CATIP: variants seen among roughly 807,000 people sequenced by gnomAD.
CATIP encodes ciliogenesis-associated TTC17-interacting protein.
In CATIP, 40 loss-of-function variants were observed where a neutral mutation model predicts 42.5. That is an observed-to-expected ratio of 0.94 (90% CI 0.73 to 1.22). The LOEUF (loss-of-function observed/expected upper bound fraction) is 1.22. Ranked by LOEUF, CATIP falls within the 50% of genes most tolerant of loss-of-function variation. The pLI is 0.00. For missense variants in CATIP, 489 were observed against 496.0 expected (o/e 0.99, Z 0.13); for synonymous variants, 222 against 200.2 (o/e 1.11, Z -0.92).
At chr2:218,362,299 G>A (rs1695263778) in intron 5 of CATIP, among the ~76,000 whole-genome samples, 1 of 148,756 alleles carries the variant, frequency 6.7e-6, no homozygotes, top group Non-Finnish European at 1.5e-5. Context: ...GTTGCAGTGA[G>A]CTGAGATCGC....
intron 6 of CATIP, 99 bp from the exon 7 acceptor site, chr2:218,364,529 A>T (rs1333446436): frequency 6.7e-7 from 1 of 1,489,478 alleles, no homozygotes; most frequent in African/African-American, 1.4e-5. Context: ...AAATGTCTTG[A>T]GGTTGTTATG....
At chr2:218,366,934 T>C (rs1695464064) in intron 7 of CATIP, 90 bp from the exon 8 acceptor site, 2 of 1,002,016 alleles carry the variant, frequency 2.0e-6, no homozygotes, top group Admixed American at 1.9e-5. Context: ...TACCTCCAAA[T>C]ACCACCACAC....
rs563787787 is a variant in CATIP at position 218,367,724 on chromosome 2, G to A, written c.924G>A (p.Glu308=). 88 of 1,595,188 alleles carry A rather than the reference G, an allele frequency of 5.5e-5. No homozygotes were observed. The African/African-American group carries it at 1.1e-3, about 20-fold the overall frequency. ...GCTCGGGCTCTGTCCCCTGCCAGGA[G>A]GAGCTCCGGCTCGGCCACGCCAGCT... ...ELYSKFLDRK[E]ELRLGHASYL... The change falls in exon 10 of 10, where the codon GAG becomes GAA. Residue 308 remains glutamate, a splice_region_variant and synonymous_variant. Coordinates refer to ENST00000289388, the MANE Select transcript of CATIP (RefSeq NM_198559.2).
chr2:218,364,591 A>G, intron 6 of CATIP, 37 bp from the exon 7 acceptor site: 1 of 1,610,028 alleles, frequency 6.2e-7, no homozygotes, highest in African/African-American at 1.3e-5. Context: ...GCGGGCATCC[A>G]CCTTACCTCC....
chr2:218,363,079 C>T (rs1306285782), intron 6 of CATIP, among the ~76,000 whole-genome samples, 177 bp downstream of exon 6: 1 of 152,006 alleles, frequency 6.6e-6, no homozygotes, highest in East Asian at 1.9e-4. Context: ...GAGTGTGGGG[C>T]AGATGAATTG....
rs570405389 is a variant in CATIP, at chr2:218,367,416, T to C, written c.833-14T>C. 9.9e-6 allele frequency: 16 copies of C among 1,613,334 alleles called. No individual in the cohort carries two copies. In the South Asian group the frequency reaches 1.3e-4, roughly 13 times the overall value. On this transcript the variant is annotated splice_polypyrimidine_tract_variant and intron_variant, in intron 8 of 9. Transcript: ENST00000289388. ...CGGGGTAGGGACGCCCAGCCTTCCT[T>C]GTTCCCCACCTAGATGAGATTGAGC... is the stretch of plus-strand genomic sequence containing the variant.
At chr2:218,367,589 A>C in intron 9 of CATIP, 71 bp downstream of exon 9, 1 of 1,602,762 alleles carries the variant, frequency 6.2e-7, no homozygotes, top group East Asian at 2.2e-5. Context: ...TGATCTCTGC[A>C]CCTGATTGAA....
Position 218,367,830 on chromosome 2 carries a change from G to C in CATIP, c.1030G>C (p.Val344Leu). Residue 344 changes from valine (V) to leucine (L), a missense_variant, in exon 10 of 10, where the codon GTC becomes CTC. By Grantham distance (32) the Val-to-Leu change is conservative. Coordinates refer to ENST00000289388, the MANE Select transcript of CATIP (RefSeq NM_198559.2). ...GCTGCTGCGCCAGCCGGAGGACGTG[G>C]TCACCTTCGCCGCCGAGTTCTTCGG... ...FLLLRQPEDV[V>L]TFAAEFFGPF... The C allele has an allele frequency of 6.2e-7, 1 of 1,613,146 alleles. No individual in the cohort carries two copies. Among genetic ancestry groups the C allele is most frequent in the Non-Finnish European group, 8.5e-7 (1 of 1,179,878 alleles).
At chr2:218,360,707 G>T in intron 5 of CATIP, 48 bp downstream of exon 5, 1 of 1,380,442 alleles carries the variant, frequency 7.2e-7, no homozygotes, top group Non-Finnish European at 1.0e-6. Context: ...TGTGAACCCA[G>T]AATATCTGAG....
In CATIP at chr2:218,360,615, C is replaced by T; in HGVS notation, c.418C>T (p.Gln140Ter). ...PMERKMSLLK[Q>*]DDQLAVTRSI... ...GGAACGGAAGATGAGTTTGCTGAAG[C>T]AGGATGATCAGCTGGCTGTGACCAG... is the stretch of plus-strand genomic sequence containing the variant. The change falls in exon 5 of 10, where the codon CAG becomes TAG. Residue 140 changes from glutamine to a stop codon, truncating the protein, a stop_gained. Transcript: ENST00000289388. LOFTEE classifies it high-confidence loss of function. 6.2e-7 allele frequency: 1 copy of T among 1,613,972 alleles called. No individual in the cohort carries two copies. The highest frequency in any genetic ancestry group is 8.5e-7 in the Non-Finnish European group (1 of 1,179,964).
In CATIP at chr2:218,360,640, G is replaced by T. The variant is rs1277844073; in HGVS notation, c.443G>T (p.Arg148Ile). ...LKQDDQLAVT[R>I]SIKEGEEVKT... is the part of the protein sequence containing the mutation. ...CAGGATGATCAGCTGGCTGTGACCA[G>T]AAGTATCAAGGAGGGTGAGGTAAGG... is the stretch of plus-strand genomic sequence containing the variant. The change falls in exon 5 of 10, where the codon AGA (arginine) becomes ATA (isoleucine). Residue 148 changes from arginine to isoleucine, a missense_variant. Physicochemically the swap from Arg to Ile is moderately conservative, Grantham distance 97. Coordinates refer to ENST00000289388, the MANE Select transcript of CATIP (RefSeq NM_198559.2). 6.2e-7 allele frequency: 1 copy of T among 1,613,890 alleles called. No homozygotes were observed. Among genetic ancestry groups the T allele is most frequent in the Non-Finnish European group, 8.5e-7 (1 of 1,179,896 alleles).
At position 218,368,082 on chromosome 2, in the gene CATIP, C is replaced by A; in HGVS notation, c.*118C>A. ...TTTTGGGGGAATAAATGGGGCCCTCCCGCTTCTCTGCAGCGCCCGTCGACA... is the reference window on the plus strand; with the variant it reads ...TTTTGGGGGAATAAATGGGGCCCTCACGCTTCTCTGCAGCGCCCGTCGACA... On this transcript the variant is annotated 3_prime_UTR_variant, in exon 10 of 10. Coordinates refer to ENST00000289388, the MANE Select transcript of CATIP (RefSeq NM_198559.2). 8.1e-7 allele frequency: 1 copy of A among 1,235,614 alleles called. No homozygotes were observed. Among genetic ancestry groups the A allele is most frequent in the Non-Finnish European group, 1.1e-6 (1 of 928,398 alleles). The allele number at this position is 1,235,614 out of a possible 1,614,324, so 76.5% of individuals were successfully genotyped here. A position where few individuals can be genotyped will look rare whatever the true frequency, so the allele number is the denominator to read the frequency against.
intron 4 of CATIP, among the ~76,000 whole-genome samples, chr2:218,358,944 C>T (rs1046696258): frequency 1.3e-5 from 2 of 151,696 alleles, no homozygotes; most frequent in Non-Finnish European, 2.9e-5. Flanking sequence ...GTGGCTCACG[C>T]CTGTAATCCC....
In CATIP at chr2:218,362,917, T is replaced by C. The variant is rs767869513; in HGVS notation, c.630+15T>C. On this transcript the variant is annotated intron_variant, in intron 6 of 9. Coordinates refer to ENST00000289388, the MANE Select transcript of CATIP (RefSeq NM_198559.2). ...ATTTGACCTATGTAAGGGGTCCCCT[T>C]GGGCAGGGGACTTGGCTTGGGAGCG... is the stretch of plus-strand genomic sequence containing the variant. 3 of 1,601,180 alleles carry C rather than the reference T, an allele frequency of 1.9e-6. No individual in the cohort carries two copies. Among genetic ancestry groups the C allele is most frequent in the Non-Finnish European group, 2.6e-6 (3 of 1,171,560 alleles).
rs200838081 is a variant in CATIP, at chr2:218,357,518, G to C, written c.119-16G>C. ...GAGCAGGGGCTTTATCTGTTCCCAC[G>C]GGCCCCTCACCCCAGACAAGGAGGA... is the stretch of plus-strand genomic sequence containing the variant. On this transcript the variant is annotated splice_polypyrimidine_tract_variant and intron_variant, in intron 2 of 9. Transcript: ENST00000289388. 1 of 1,610,728 alleles carries C rather than the reference G, an allele frequency of 6.2e-7. No homozygotes were observed. The highest frequency in any genetic ancestry group is 1.1e-5 in the South Asian group (1 of 90,948).
chr2:218,368,015 C>G lies in CATIP; in HGVS notation c.*51C>G. 1 of 1,455,298 alleles carries G rather than the reference C, an allele frequency of 6.9e-7. No individual in the cohort carries two copies. The allele number at this position is 1,455,298 out of a possible 1,614,324, so 90.1% of individuals were successfully genotyped here. ...GGAAACCAGGGGTCGGGCTGGGACGCGGGCGGGACGCGCCGGGGCGGGTGC... is the reference window on the plus strand; with the variant it reads ...GGAAACCAGGGGTCGGGCTGGGACGGGGGCGGGACGCGCCGGGGCGGGTGC... On this transcript the variant is annotated 3_prime_UTR_variant, in exon 10 of 10. Coordinates refer to ENST00000289388, the MANE Select transcript of CATIP (RefSeq NM_198559.2).
chr2:218,359,814 TTTTTTA>T (rs1259605924), intron 4 of CATIP, among the ~76,000 whole-genome samples: 1 of 151,912 alleles, frequency 6.6e-6, no homozygotes, highest in Non-Finnish European at 1.5e-5. Flanking sequence ...CTGCTTTTTT[TTTTTTA>T]TTTTATTATT....
chr2:218,362,689 G>A, intron 5 of CATIP, 46 bp from the exon 6 acceptor site: 2 of 1,586,882 alleles, frequency 1.3e-6, no homozygotes, highest in Non-Finnish European at 1.7e-6. Context: ...CCTGTCCCCT[G>A]CCCCTTCCTG....
At position 218,357,539 on chromosome 2, in the gene CATIP, G is replaced by A. The variant is rs1033391653; in HGVS notation, c.124G>A (p.Glu42Lys). 1 of 1,613,696 alleles carries A rather than the reference G, an allele frequency of 6.2e-7. No homozygotes were observed. Among genetic ancestry groups the A allele is most frequent in the Non-Finnish European group, 8.5e-7 (1 of 1,179,920 alleles). Residue 42 changes from glutamate to lysine, a missense_variant, in exon 3 of 10, where the codon GAG becomes AAG. Physicochemically the swap from Glu to Lys is moderately conservative, Grantham distance 56. Transcript: ENST00000289388. ...CCACGGGCCCCTCACCCCAGACAAG[G>A]AGGAGCTACAGATGCTGTTCTTCTC... ...AIDFLSSLHK[E>K]ELQMLFFSET...
Sources: gnomAD v4.1 joint callset for allele counts (sites outside exome capture counted in the v4.1 genomes callset) on GRCh38, gnomAD v4.1.1 for gene constraint, MANE v1.5 for transcripts, NCBI Gene and HGNC (gene_info 2026-07-23, HGNC 2026-07-21) for gene names.